The following ABLIM1 variants were observed in gnomAD, a reference collection of about 807,000 sequenced individuals.
The protein encoded by ABLIM1 is actin-binding LIM protein 1.
ABLIM1 carries 40 observed loss-of-function variants against 107.0 expected under a neutral mutation model. The ratio of observed to expected loss-of-function variants is 0.37; its 90% CI spans 0.29 to 0.49. The LOEUF is 0.49. Ranked by LOEUF, ABLIM1 falls within the 20% of genes least tolerant of loss-of-function variation. ABLIM1 has a pLI of 0.97. For missense variants in ABLIM1, 857 were observed against 1,008.5 expected (o/e 0.85, Z 2.04); for synonymous variants, 357 against 357.3 (o/e 1.00, Z 0.01).
intron 6 of ABLIM1, 50 bp downstream of exon 6, chr10:114,544,955 G>A (rs760062908): frequency 6.4e-7 from 1 of 1,555,646 alleles, no homozygotes; most frequent in East Asian, 2.2e-5. Flanking sequence ...GTTTCTGAGG[G>A]CCGCTGAGAA....
intron 7 of ABLIM1, among the ~76,000 whole-genome samples, chr10:114,489,589 T>A (rs2058658295): frequency 6.6e-6 from 1 of 152,064 alleles, no homozygotes; most frequent in African/African-American, 2.4e-5. Context: ...GCTCAAAGGC[T>A]AACTACAAAG....
intron 1 of ABLIM1, among the ~76,000 whole-genome samples, chr10:114,635,536 T>C (rs2078434884): frequency 6.6e-6 from 1 of 152,182 alleles, no homozygotes; most frequent in Non-Finnish European, 1.5e-5. Flanking sequence ...TTTGTTGTTG[T>C]TGTTTTGAGA....
intron 3 of ABLIM1, among the ~76,000 whole-genome samples, chr10:114,574,424 A>T (rs2072171894): frequency 6.6e-6 from 1 of 151,908 alleles, no homozygotes; most frequent in African/African-American, 2.4e-5. Flanking sequence ...TCTCTGACTG[A>T]TCATTTTATT....
At chr10:114,639,712 A>G (rs2078649880) in intron 1 of ABLIM1, among the ~76,000 whole-genome samples, 1 of 152,216 alleles carries the variant, frequency 6.6e-6, no homozygotes, top group Admixed American at 6.5e-5. Context: ...ATGCTTTGCT[A>G]TTGCCATCCT....
chr10:114,751,674 C>T (rs557679583), intron 1 of ABLIM1, among the ~76,000 whole-genome samples: 1 of 150,588 alleles, frequency 6.6e-6, no homozygotes, highest in Non-Finnish European at 1.5e-5. Context: ...CACCTGAACC[C>T]AGGAAGTGGA....
intron 2 of ABLIM1, among the ~76,000 whole-genome samples, chr10:114,595,466 A>G (rs1649987353): frequency 6.6e-6 from 1 of 152,226 alleles, no homozygotes. Context: ...AAAGTAAAAC[A>G]TTAAAAACCT....
Position 114,708,074 on chromosome 10 carries a change from C to A in ABLIM1, c.-213+59987G>T, listed in dbSNP as rs199689453. Among the ~76,000 whole-genome samples the A allele has an allele frequency of 2.6e-5, 4 of 152,234 alleles. No homozygotes were observed. In the East Asian group the frequency reaches 7.7e-4, roughly 29 times the overall value. On this transcript the variant is annotated intron_variant, in intron 1 of 15. Coordinates refer to the ABLIM1 transcript ENST00000651092. ...GACAAAACAGGTGCAACTCAACGGTCTTGATGATGGAAAACCTTGTTAAAA... is the reference window on the plus strand; with the variant it reads ...GACAAAACAGGTGCAACTCAACGGTATTGATGATGGAAAACCTTGTTAAAA...
At chr10:114,716,278 T>C (rs903078767) in intron 1 of ABLIM1, among the ~76,000 whole-genome samples, 2 of 152,060 alleles carry the variant, frequency 1.3e-5, no homozygotes, top group African/African-American at 4.8e-5. Flanking sequence ...ATAAGGAAAA[T>C]TCTATCTTTT....
At chr10:114,440,191 C>T in intron 19 of ABLIM1, 102 bp from the exon 20 acceptor site, 1 of 1,232,512 alleles carries the variant, frequency 8.1e-7, no homozygotes, top group East Asian at 2.4e-5. Context: ...CATATTCGCC[C>T]TATAAACCAT....
intron 1 of ABLIM1, among the ~76,000 whole-genome samples, chr10:114,682,690 A>T (rs2080797468): frequency 6.6e-6 from 1 of 152,180 alleles, no homozygotes; most frequent in Non-Finnish European, 1.5e-5. Context: ...TGTAGATTCC[A>T]GCTGGTAGCA....
Position 114,491,012 on chromosome 10 carries a change from G to GTGTGTGTGTGTGTGTATGTA in ABLIM1, c.982+778_982+779insTACATACACACACACACACA. 3.2e-5 allele frequency among the ~76,000 whole-genome samples: 3 copies of GTGTGTGTGTGTGTGTATGTA among 92,396 alleles called. 1 individual carries two copies. The highest frequency in any genetic ancestry group is 5.9e-5 in the Non-Finnish European group (3 of 50,852). The allele number at this position is 92,396 out of a possible 152,430, so 60.6% of individuals were successfully genotyped here. On this transcript the variant is annotated intron_variant, in intron 7 of 22. Coordinates refer to ENST00000533213, the MANE Select transcript of ABLIM1 (RefSeq NM_002313.7). Reference sequence around the variant, plus strand: ...TGTGTGTGTGTGTGTGTGTGTGTGTGTATATATATATATGGTCTATTTTAT... The same window carrying GTGTGTGTGTGTGTGTATGTA: ...TGTGTGTGTGTGTGTGTGTGTGTGTGTGTGTGTGTGTGTGTATGTATATATATATATATGGTCTATTTTAT...
intron 1 of ABLIM1, among the ~76,000 whole-genome samples, chr10:114,699,098 G>C (rs2081255251): frequency 1.3e-5 from 1 of 74,296 alleles, no homozygotes; most frequent in African/African-American, 5.6e-5. Context: ...AATTCATTTT[G>C]CTTAGCAAAA....
intron 6 of ABLIM1, chr10:114,526,811 A>G (rs1448651835): frequency 8.1e-6 from 8 of 985,324 alleles, no homozygotes; most frequent in African/African-American, 1.7e-5. Flanking sequence ...CCTGGGTTAC[A>G]TATCAGGCTT....
chr10:114,474,100 A>G, intron 8 of ABLIM1, 144 bp from the exon 9 acceptor site: 1 of 619,862 alleles, frequency 1.6e-6, no homozygotes, highest in Non-Finnish European at 2.8e-6. Context: ...AATACAACCT[A>G]GAAGGAAAGG....
At chr10:114,717,765 TAGTC>T (rs1470907865) in intron 1 of ABLIM1, among the ~76,000 whole-genome samples, 1 of 151,194 alleles carries the variant, frequency 6.6e-6, no homozygotes, top group East Asian at 2.0e-4. Flanking sequence ...AAATAAAAAA[TAGTC>T]AGGCATGGTG....
At chr10:114,526,045 T>A (rs1158348980) in intron 6 of ABLIM1, among the ~76,000 whole-genome samples, 2 of 152,188 alleles carry the variant, frequency 1.3e-5, no homozygotes, top group East Asian at 3.8e-4. Context: ...TTACTGCATA[T>A]CAAAGGTGGA....
intron 1 of ABLIM1, among the ~76,000 whole-genome samples, chr10:114,723,209 G>A (rs1219287733): frequency 2.0e-5 from 3 of 152,186 alleles, no homozygotes; most frequent in Non-Finnish European, 2.9e-5. Flanking sequence ...CAAAGCACAG[G>A]AGTACCCAGG....
chr10:114,534,229 C>G (rs926239427), intron 6 of ABLIM1, among the ~76,000 whole-genome samples: 2 of 152,138 alleles, frequency 1.3e-5, no homozygotes, highest in Non-Finnish European at 2.9e-5. Context: ...AAGGGTGCTG[C>G]TCTGGGTCCC....
chr10:114,569,304 G>T (rs926470340), intron 4 of ABLIM1, among the ~76,000 whole-genome samples: 7 of 151,688 alleles, frequency 4.6e-5, no homozygotes, highest in Non-Finnish European at 8.8e-5. Context: ...AATCATAAAA[G>T]CCTCTTTTTC....
Sources: gnomAD v4.1 joint callset for allele counts (sites outside exome capture counted in the v4.1 genomes callset) on GRCh38, gnomAD v4.1.1 for gene constraint, MANE v1.5 for transcripts, NCBI Gene and HGNC (gene_info 2026-07-23, HGNC 2026-07-21) for gene names.